ZNF611: variants seen among roughly 807,000 people sequenced by gnomAD.
ZNF611 encodes the protein zinc finger protein 611.
A neutral mutation model predicts 8.9 loss-of-function variants in ZNF611; 6 were observed. The observed-to-expected ratio is 0.68, with a 90% confidence interval of 0.37 to 1.34. The LOEUF is 1.34. ZNF611 is among the 40% of genes most tolerant of loss of function. ZNF611 has a pLI of 0.02. For synonymous variants in ZNF611, 262 were observed against 279.7 expected, an observed-to-expected ratio of 0.94 and a Z score of 0.63; for missense variants, 874 against 841.3, an observed-to-expected ratio of 1.04 and a Z score of -0.48.
chr19:52,716,170 C>T (rs1248895523), intron 3 of ZNF611: 2 of 411,708 alleles, frequency 4.9e-6, no homozygotes, highest in South Asian at 3.7e-5. Context: ...CTGGACTGAT[C>T]TCCCCTTCAG....
chr19:52,719,397 C>A (rs375633081), intron 3 of ZNF611, among the ~76,000 whole-genome samples: 2 of 152,138 alleles, frequency 1.3e-5, no homozygotes, highest in African/African-American at 4.8e-5. Flanking sequence ...CCACAACTAA[C>A]GAGTCAAGTC....
chr19:52,717,946 G>A (rs925541265), intron 3 of ZNF611, among the ~76,000 whole-genome samples: 2 of 152,176 alleles, frequency 1.3e-5, no homozygotes, highest in Non-Finnish European at 2.9e-5. Flanking sequence ...AGACCTCAAT[G>A]TAAACTGAAC....
In ZNF611 at chr19:52,705,953, T is replaced by C. The variant is rs764765773; in HGVS notation, c.1102A>G (p.Lys368Glu). 56 of 1,614,050 alleles carry C rather than the reference T, an allele frequency of 3.5e-5. No individual in the cohort carries two copies. The highest frequency in any genetic ancestry group is 1.6e-4 in the Middle Eastern group (1 of 6,084). Residue 368 changes from lysine to glutamate, a missense_variant, in exon 6 of 6, where the codon AAA (lysine) becomes GAA (glutamate). Transcript: ENST00000652185. ...TCACATTCTTCACATTTGTAAGGTT[T>C]CTCTCCAGTATGAATTCTATGATGT... ...LSHHRIHTGE[K>E]PYKCEECDKV...
chr19:52,724,117 A>G (rs981260549), intron 3 of ZNF611: 1 of 152,190 alleles, frequency 6.6e-6, no homozygotes, highest in African/African-American at 2.4e-5. Flanking sequence ...CGTCCTCAGC[A>G]CAGACCCTTT....
chr19:52,720,714 G>A (rs1318558954), intron 3 of ZNF611, among the ~76,000 whole-genome samples: 7 of 150,410 alleles, frequency 4.7e-5, no homozygotes, highest in African/African-American at 1.5e-4. Context: ...TGGCGTGGCC[G>A]GGCAGAGGCA....
chr19:52,729,491 T>TAAAAAAAAAAAAAA (rs2062411499), intron 2 of ZNF611, among the ~76,000 whole-genome samples: 1 of 9,160 alleles, frequency 1.1e-4, no homozygotes, highest in Non-Finnish European at 1.7e-4. Context: ...AGACTCCATC[T>TAAAAAAAAAAAAAA]CAAAAAAAAA....
At chr19:52,706,953 T>C in intron 5 of ZNF611, 89 bp from the exon 6 acceptor site, 1 of 1,516,254 alleles carries the variant, frequency 6.6e-7, no homozygotes, top group Non-Finnish European at 8.8e-7. Flanking sequence ...AAAACGATAC[T>C]TATTTTGAAC....
chr19:52,728,480 G>T (rs530130734), intron 3 of ZNF611, among the ~76,000 whole-genome samples: 4 of 152,076 alleles, frequency 2.6e-5, no homozygotes, highest in Non-Finnish European at 4.4e-5. Context: ...AGAAATTGCA[G>T]TGAGCCGAGA....
intron 3 of ZNF611, chr19:52,721,117 CG>C: frequency 6.7e-6 from 1 of 149,578 alleles, no homozygotes; most frequent in Non-Finnish European, 1.4e-5. Context: ...ACTTCCCAAA[CG>C]GGGTGGTGGC....
Position 52,706,146 on chromosome 19 carries a change from G to T in ZNF611, c.909C>A (p.Thr303=), listed in dbSNP as rs56100304. 26,654 of 1,613,140 alleles carry T rather than the reference G, an allele frequency of 0.017. 399 individuals are homozygous for T. Among genetic ancestry groups the T allele is most frequent in the African/African-American group, 0.078 (5,810 of 74,754 alleles). ...CTCCAGTATGAAGTCTACGATGGCA[G>T]GTAAGGGATGACTCCTGACTGAAGG... ...GKTFSQESSL[T]CHRRLHTGVK... Residue 303 remains threonine (T), a synonymous_variant, in exon 6 of 6, where the codon ACC becomes ACA. Transcript: ENST00000652185.
chr19:52,733,551 C>T (rs2062438342), intron 1 of ZNF611, among the ~76,000 whole-genome samples: 1 of 133,706 alleles, frequency 7.5e-6, no homozygotes, highest in Admixed American at 7.6e-5. Flanking sequence ...ATCCCCTTGC[C>T]TCAGTCTCCT....
chr19:52,727,639 G>A (rs902779467), intron 3 of ZNF611, among the ~76,000 whole-genome samples: 3 of 152,120 alleles, frequency 2.0e-5, no homozygotes, highest in African/African-American at 7.2e-5. Context: ...TCACCAAGCT[G>A]GCCAGGCTGG....
At chr19:52,720,045 C>A (rs1423737892) in intron 3 of ZNF611, among the ~76,000 whole-genome samples, 1 of 112,750 alleles carries the variant, frequency 8.9e-6, no homozygotes, top group African/African-American at 4.4e-5. Context: ...TTTATTTAAC[C>A]CTGAGTTGAC....
chr19:52,734,422 C>A (rs2062444546), intron 1 of ZNF611, among the ~76,000 whole-genome samples: 1 of 152,110 alleles, frequency 6.6e-6, no homozygotes, highest in Non-Finnish European at 1.5e-5. Flanking sequence ...AAGAATACCC[C>A]GTGCCGCAGG....
intron 1 of ZNF611, among the ~76,000 whole-genome samples, chr19:52,731,838 G>A (rs112354904): frequency 0.068 from 10,295 of 151,364 alleles, 699 homozygotes; most frequent in African/African-American, 0.17. Context: ...GAGCGTGGTG[G>A]TGCATGCCTG....
intron 1 of ZNF611, among the ~76,000 whole-genome samples, chr19:52,732,415 G>A (rs2062431732): frequency 7.8e-6 from 1 of 128,964 alleles, no homozygotes; most frequent in Admixed American, 7.5e-5. Flanking sequence ...TCACAGTATT[G>A]AGTTATTCTG....
chr19:52,706,989 A>G, intron 5 of ZNF611, 125 bp from the exon 6 acceptor site: 1 of 1,447,728 alleles, frequency 6.9e-7, no homozygotes, highest in Non-Finnish European at 9.3e-7. Flanking sequence ...TTCAAAGTTT[A>G]GGAAAACGAA....
intron 3 of ZNF611, 32 bp from the exon 4 acceptor site, chr19:52,715,945 A>C: frequency 6.2e-7 from 1 of 1,609,808 alleles, no homozygotes; most frequent in East Asian, 2.2e-5. Context: ...ACTTCATGTT[A>C]GAAATGACTC....
chr19:52,718,765 T>G (rs2062334961), intron 3 of ZNF611, among the ~76,000 whole-genome samples: 1 of 151,830 alleles, frequency 6.6e-6, no homozygotes, highest in African/African-American at 2.4e-5. Context: ...GCCATTGCAC[T>G]ACAGCCTGGG....
Sources: allele counts gnomAD v4.1 joint callset (sites outside exome capture counted in the v4.1 genomes callset), GRCh38; gene constraint gnomAD v4.1.1; transcripts MANE v1.5; gene names NCBI Gene and HGNC (gene_info 2026-07-23, HGNC 2026-07-21).